The following PCDHGA5 variants were observed in gnomAD, a reference collection of about 807,000 sequenced individuals.
The protein encoded by PCDHGA5 is protocadherin gamma subfamily A, 5.
A neutral mutation model predicts 56.7 loss-of-function variants in PCDHGA5; 36 were observed. That is an observed-to-expected ratio of 0.64 (90% confidence interval 0.49 to 0.84). The LOEUF (loss-of-function observed/expected upper bound fraction) is 0.84. Among genes scored for constraint, PCDHGA5 ranks in the 40% least tolerant of loss-of-function variants. The pLI is 0.00. For missense variants in PCDHGA5, 1,305 were observed against 1,201.5 expected (o/e 1.09, Z -1.27); for synonymous variants, 563 against 520.2 (o/e 1.08, Z -1.12).
chr5:141,408,300 T>C lies in PCDHGA5; in HGVS notation c.2421+41549T>C. On this transcript the variant is annotated intron_variant, in intron 1 of 3. Coordinates refer to ENST00000518069, the MANE Select transcript of PCDHGA5 (RefSeq NM_018918.3). ...TTCTACCCCACCCTGAGTGAGCCGATCCGCTACTCGATTCCGGAGGAGCTG... is the reference window on the plus strand; with the variant it reads ...TTCTACCCCACCCTGAGTGAGCCGACCCGCTACTCGATTCCGGAGGAGCTG... The C allele has an allele frequency of 1.2e-6, 2 of 1,613,732 alleles. No homozygotes were observed. The highest frequency in any genetic ancestry group is 1.7e-6 in the Non-Finnish European group (2 of 1,179,694).
In PCDHGA5 at chr5:141,432,076, G is replaced by A. The variant is rs1442341840; in HGVS notation, c.2422-62731G>A. The A allele has an allele frequency of 1.2e-6, 2 of 1,614,160 alleles. No homozygotes were observed. Among genetic ancestry groups the A allele is most frequent in the East Asian group, 2.2e-5 (1 of 44,872 alleles). On this transcript the variant is annotated intron_variant, in intron 1 of 3. Coordinates refer to ENST00000518069, the MANE Select transcript of PCDHGA5 (RefSeq NM_018918.3). This position sits in a 1 kb window ranked among gnomAD's most constrained non-coding sequence, Gnocchi z 6.0. ...CCCTATCCACGGAAACTCATATCTCGCTGAACGTGGCAGACACCAACGACA... is the reference window on the plus strand; with the variant it reads ...CCCTATCCACGGAAACTCATATCTCACTGAACGTGGCAGACACCAACGACA...
At chr5:141,417,993 C>A in intron 1 of PCDHGA5, 1 of 1,613,830 alleles carries the variant, frequency 6.2e-7, no homozygotes, top group Non-Finnish European at 8.5e-7. Flanking sequence ...GCCAAGGGCT[C>A]GGTGGTGGGG....
intron 1 of PCDHGA5, among the ~76,000 whole-genome samples, chr5:141,439,422 A>C (rs1476209707): frequency 6.6e-6 from 1 of 152,188 alleles, no homozygotes; most frequent in Non-Finnish European, 1.5e-5. Context: ...TGAGGTTATA[A>C]ATTCCCAGGA....
intron 1 of PCDHGA5, chr5:141,399,730 T>G: frequency 2.5e-6 from 4 of 1,613,266 alleles, no homozygotes; most frequent in Non-Finnish European, 8.5e-7. Context: ...CGACCAGGGC[T>G]CGCCTGCGCT....
intron 1 of PCDHGA5, chr5:141,405,178 T>C (rs769150671): frequency 3.1e-6 from 5 of 1,613,890 alleles, no homozygotes; most frequent in African/African-American, 2.7e-5. Flanking sequence ...ACTTTGTGGG[T>C]GTAGATGGGG....
chr5:141,443,385 T>G (rs2098386152), intron 1 of PCDHGA5, among the ~76,000 whole-genome samples: 2 of 151,940 alleles, frequency 1.3e-5, no homozygotes, highest in African/African-American at 4.8e-5. Flanking sequence ...CTTGGGAGGC[T>G]GAGGTGTGAG....
At position 141,364,748 on chromosome 5, in the gene PCDHGA5, G is replaced by T. The variant is rs891416528; in HGVS notation, c.418G>T (p.Val140Leu). Residue 140 changes from valine (V) to leucine (L), a missense_variant, in exon 1 of 4, where the codon GTA becomes TTA. Coordinates refer to ENST00000518069, the MANE Select transcript of PCDHGA5 (RefSeq NM_018918.3). ...FPRFRDEELK[V>L]KVNENAAAGT... is the part of the protein sequence containing the mutation. ...GCGTTTCCGGGATGAAGAGTTAAAA[G>T]TAAAAGTTAATGAAAATGCGGCTGC... 3 of 1,613,978 alleles carry T rather than the reference G, an allele frequency of 1.9e-6. No individual in the cohort carries two copies. Among genetic ancestry groups the T allele is most frequent in the Non-Finnish European group, 8.5e-7 (1 of 1,179,884 alleles).
chr5:141,374,991 C>A, intron 1 of PCDHGA5: 1 of 1,614,036 alleles, frequency 6.2e-7, no homozygotes, highest in Non-Finnish European at 8.5e-7. Flanking sequence ...GAAATTTCAA[C>A]TTCTGCAAAT....
At chr5:141,438,248 C>A (rs1370527448) in intron 1 of PCDHGA5, among the ~76,000 whole-genome samples, 1 of 151,970 alleles carries the variant, frequency 6.6e-6, no homozygotes, top group Non-Finnish European at 1.5e-5. Flanking sequence ...AAAAAACTGT[C>A]ATTGAAGAGA....
chr5:141,417,533 A>T (rs1253836392), intron 1 of PCDHGA5: 3 of 274,888 alleles, frequency 1.1e-5, no homozygotes, highest in African/African-American at 2.2e-5. Context: ...CTCGTAGTTT[A>T]AAAAAAATTC....
At chr5:141,499,730 T>C (rs1412528402) in intron 2 of PCDHGA5, among the ~76,000 whole-genome samples, 1 of 143,912 alleles carries the variant, frequency 6.9e-6, no homozygotes, top group East Asian at 2.1e-4. Context: ...AGTCTCACTC[T>C]CTTGCCCAGG....
rs1305690731 is a variant in PCDHGA5 at position 141,365,363 on chromosome 5, C to G, written c.1033C>G (p.Pro345Ala). The stretch of plus-strand genomic sequence containing the variant: ...AGTACAGGACGTGAATGACAATGCC[C>G]CCGAAGTGATCCTCACCTCTCTGAC... The part of the protein sequence containing the change: ...VTVQDVNDNA[P>A]EVILTSLTSS... Residue 345 changes from proline (P) to alanine (A), a missense_variant, in exon 1 of 4, where the codon CCC becomes GCC. By Grantham distance (27) the Pro-to-Ala change is conservative (BLOSUM62 -1). Coordinates refer to ENST00000518069, the MANE Select transcript of PCDHGA5 (RefSeq NM_018918.3). The G allele has an allele frequency of 1.2e-6, 2 of 1,613,900 alleles. No individual in the cohort carries two copies. The highest frequency in any genetic ancestry group is 1.6e-4 in the Middle Eastern group (1 of 6,062).
intron 1 of PCDHGA5, chr5:141,420,293 A>G: frequency 1.3e-6 from 2 of 1,485,602 alleles, no homozygotes; most frequent in Non-Finnish European, 9.1e-7. Context: ...TTAAAAATGT[A>G]TTTAATCCTT....
In PCDHGA5 at chr5:141,495,260, G is replaced by A. The variant is rs368797742; in HGVS notation, c.2480+395G>A. On this transcript the variant is annotated intron_variant, in intron 2 of 3. Transcript: ENST00000518069. ...TATGACCTGGGGCTCAGGCAGAAAA[G>A]CATTTGACCGGAGGAGGCGGTCCGC... Among the ~76,000 whole-genome samples the A allele has an allele frequency of 3.3e-5, 5 of 152,208 alleles. No individual in the cohort carries two copies. The East Asian group carries it at 5.8e-4, about 18-fold the overall frequency.
In PCDHGA5 at chr5:141,476,034, C is replaced by G. The variant is rs934044974; in HGVS notation, c.2422-18773C>G. On this transcript the variant is annotated intron_variant, in intron 1 of 3. Transcript: ENST00000518069. This position sits in a 1 kb window ranked among gnomAD's most constrained non-coding sequence, Gnocchi z 7.6. ...CCATGTCGGACTCGGCGCCCAGCGC[C>G]CAAGCGCTAACCCGCTGAAAGTTTC... The G allele has an allele frequency of 2.0e-6, 3 of 1,464,488 alleles. No homozygotes were observed. Among genetic ancestry groups the G allele is most frequent in the Non-Finnish European group, 2.7e-6 (3 of 1,100,656 alleles). 90.7% of individuals were successfully genotyped at this position (1,464,488 alleles called of 1,614,324 possible). A position where few individuals can be genotyped will look rare whatever the true frequency, so the allele number is the denominator to read the frequency against.
intron 1 of PCDHGA5, chr5:141,423,360 G>T (rs762976655): frequency 1.2e-6 from 2 of 1,614,224 alleles, no homozygotes; most frequent in South Asian, 2.2e-5. Context: ...TTGTCATCGT[G>T]CTGCTGGCAC....
intron 1 of PCDHGA5, chr5:141,375,779 G>A (rs749559180): frequency 1.9e-6 from 3 of 1,614,176 alleles, no homozygotes; most frequent in South Asian, 1.1e-5. Flanking sequence ...CCTGTACCCC[G>A]CCCTCCCCAC....
rs1337141924 is a variant in PCDHGA5, at chr5:141,512,916, CTAATATT to C, written c.*1746_*1752del. On this transcript the variant is annotated 3_prime_UTR_variant, in exon 4 of 4. Coordinates refer to ENST00000518069, the MANE Select transcript of PCDHGA5 (RefSeq NM_018918.3). The stretch of plus-strand genomic sequence containing the variant: ...CTGTGTCTCACGCAAGTTTTATACT[CTAATATT>C]TATATGGCTTTTTTTCTTCGACAAA... The C allele has an allele frequency of 1.3e-5, 2 of 152,206 alleles. No homozygotes were observed. Among genetic ancestry groups the C allele is most frequent in the Non-Finnish European group, 2.9e-5 (2 of 68,046 alleles). The allele number at this position is 152,206 out of a possible 1,614,324, so 9.4% of individuals were successfully genotyped here.
intron 1 of PCDHGA5, chr5:141,415,172 T>G (rs770772038): frequency 1.2e-6 from 2 of 1,613,882 alleles, no homozygotes; most frequent in Non-Finnish European, 1.7e-6. Context: ...ACGCTCACCG[T>G]GGCCGTGGCC....
Sources: gnomAD v4.1 joint callset for allele counts (sites outside exome capture counted in the v4.1 genomes callset) on GRCh38, gnomAD v4.1.1 for gene constraint, Gnocchi (gnomAD v3.1) non-coding constraint, MANE v1.5 for transcripts, NCBI Gene and HGNC (gene_info 2026-07-23, HGNC 2026-07-21) for gene names.